Variants in CMTM8 observed in about 807,000 individuals in gnomAD.
The protein encoded by CMTM8 is CKLF like MARVEL transmembrane domain containing 8, also known as CKLF-like MARVEL transmembrane domain-containing protein 8.
A neutral mutation model predicts 18.6 loss-of-function variants in CMTM8; 12 were observed. That is an observed-to-expected ratio of 0.65 (90% CI 0.41 to 1.05). The LOEUF is 1.05. Among genes scored for constraint, CMTM8 ranks in the 50% least tolerant of loss-of-function variants. The pLI is 0.00. For synonymous variants in CMTM8, 87 were observed against 90.6 expected, an observed-to-expected ratio of 0.96 and a Z score of 0.23; for missense variants, 217 against 227.2, an observed-to-expected ratio of 0.95 and a Z score of 0.29.
At chr3:32,262,679 CAT>C (rs1183655235) in intron 1 of CMTM8, among the ~76,000 whole-genome samples, 3 of 152,208 alleles carry the variant, frequency 2.0e-5, no homozygotes, top group South Asian at 2.1e-4. Flanking sequence ...GACGATGTCA[CAT>C]GTTAGTAGAA....
Position 32,357,385 on chromosome 3 carries a change from C to G in CMTM8, c.160C>G (p.Leu54Val), listed in dbSNP as rs992982405. 4 of 1,613,670 alleles carry G rather than the reference C, an allele frequency of 2.5e-6. No individual in the cohort carries two copies. In the African/African-American group the frequency reaches 5.3e-5, roughly 22 times the overall value. ...TACCACTTTACAGGTTCTGGGGCTG[C>G]TGGTATGGACGCTTATTGCTGGAAC... ...LIVAEIVLGL[L>V]VWTLIAGTEY... is the part of the protein sequence containing the mutation. The change falls in exon 2 of 4, where the codon CTG becomes GTG. Residue 54 changes from leucine to valine, a missense_variant. By Grantham distance (32) the Leu-to-Val change is conservative. Coordinates refer to ENST00000307526, the MANE Select transcript of CMTM8 (RefSeq NM_178868.5).
At chr3:32,349,201 G>C (rs1020822378) in intron 1 of CMTM8, among the ~76,000 whole-genome samples, 4 of 152,052 alleles carry the variant, frequency 2.6e-5, no homozygotes, top group Non-Finnish European at 5.9e-5. Flanking sequence ...TTGGTTATCT[G>C]CCTATGCTTT....
chr3:32,281,634 T>A (rs1702612301), intron 1 of CMTM8, among the ~76,000 whole-genome samples: 1 of 151,968 alleles, frequency 6.6e-6, no homozygotes, highest in South Asian at 2.1e-4. Flanking sequence ...CTTGAATGAG[T>A]TGTCTTTATT....
chr3:32,259,927 C>A, intron 1 of CMTM8: 1 of 1,124,006 alleles, frequency 8.9e-7, no homozygotes, highest in Non-Finnish European at 1.3e-6. Context: ...TGGAGGCCCG[C>A]TACACCCTGC....
rs796086568 is a variant in CMTM8, at chr3:32,260,678, TTTC to T, written c.147+21560_147+21562del. ...TGTGATTTTTTTAAAGTTTTTTTTTTTTCCCCCTGTTTTCACATGTTTATATGT... is the reference window on the plus strand; with the variant it reads ...TGTGATTTTTTTAAAGTTTTTTTTTTCCCCTGTTTTCACATGTTTATATGT... On this transcript the variant is annotated intron_variant, in intron 1 of 3. Transcript: ENST00000307526. Among the ~76,000 whole-genome samples the T allele has an allele frequency of 9.3e-3, 1,310 of 141,118 alleles. 19 individuals are homozygous for T. Among genetic ancestry groups the T allele is most frequent in the African/African-American group, 0.032 (1,225 of 38,224 alleles). The allele number at this position is 141,118 out of a possible 152,430, so 92.6% of individuals were successfully genotyped here.
At chr3:32,291,233 A>G (rs893144192) in intron 1 of CMTM8, among the ~76,000 whole-genome samples, 7 of 151,754 alleles carry the variant, frequency 4.6e-5, no homozygotes, top group African/African-American at 1.7e-4. Flanking sequence ...GGTTCACGCC[A>G]TTCTCCTGCC....
chr3:32,295,192 A>G (rs1450664362), intron 1 of CMTM8, among the ~76,000 whole-genome samples: 1 of 152,060 alleles, frequency 6.6e-6, no homozygotes, highest in Non-Finnish European at 1.5e-5. Context: ...ACGGTAGCTC[A>G]TGCCTGTAAT....
chr3:32,266,431 A>G (rs986316431), intron 1 of CMTM8, among the ~76,000 whole-genome samples: 2 of 152,218 alleles, frequency 1.3e-5, no homozygotes, highest in Non-Finnish European at 2.9e-5. Flanking sequence ...CTCTCAATAA[A>G]TTAGGTATTG....
At position 32,257,119 on chromosome 3, in the gene CMTM8, A is replaced by G. The variant is rs549807173; in HGVS notation, c.147+18000A>G. 8.9e-4 allele frequency among the ~76,000 whole-genome samples: 135 copies of G among 152,270 alleles called. 1 individual carries two copies. The highest frequency in any genetic ancestry group is 3.1e-3 in the African/African-American group (130 of 41,556). On this transcript the variant is annotated intron_variant, in intron 1 of 3. Transcript: ENST00000307526. ...TCTATGTCCCAGTAGCTGGGATTAC[A>G]GGCATGGCCACTATGCCCGGCTAAT...
In CMTM8 at chr3:32,328,145, C is replaced by T. The variant is rs574683964; in HGVS notation, c.148-29228C>T. Among the ~76,000 whole-genome samples the T allele has an allele frequency of 7.2e-5, 11 of 152,206 alleles. No individual in the cohort carries two copies. In the East Asian group the frequency reaches 1.9e-3, roughly 27 times the overall value. The stretch of plus-strand genomic sequence containing the variant: ...ATCCCAGCACTTTGGGAGCCCAAGG[C>T]ACGTGGATCACTTGAGGCAGGGTTT... On this transcript the variant is annotated intron_variant, in intron 1 of 3. Transcript: ENST00000307526.
In CMTM8 at chr3:32,295,275, G is replaced by A. The variant is rs369970368; in HGVS notation, c.147+56156G>A. On this transcript the variant is annotated intron_variant, in intron 1 of 3. Coordinates refer to ENST00000307526, the MANE Select transcript of CMTM8 (RefSeq NM_178868.5). ...GTTCGAGAACAGCCTGAGCAATGTG[G>A]TGAAACCCCATCTCTGTTAAAAATA... Among the ~76,000 whole-genome samples the A allele has an allele frequency of 1.4e-4, 22 of 151,826 alleles. No homozygotes were observed. The South Asian group carries it at 3.3e-3, about 23-fold the overall frequency.
chr3:32,282,775 C>G (rs890997227), intron 1 of CMTM8, among the ~76,000 whole-genome samples: 4 of 152,158 alleles, frequency 2.6e-5, no homozygotes, highest in African/African-American at 9.7e-5. Context: ...GACCTTATAT[C>G]CTGCGCTCCA....
chr3:32,239,030 G>C lies in CMTM8; in HGVS notation c.58G>C (p.Ala20Pro), dbSNP rs1461308796. 9 of 1,577,954 alleles carry C rather than the reference G, an allele frequency of 5.7e-6. No individual in the cohort carries two copies. Among genetic ancestry groups the C allele is most frequent in the Middle Eastern group, 1.7e-4 (1 of 6,056 alleles). Residue 20 changes from alanine to proline, a missense_variant, in exon 1 of 4, where the codon GCA becomes CCA. Coordinates refer to ENST00000307526, the MANE Select transcript of CMTM8 (RefSeq NM_178868.5). ...HTVTTTASSF[A>P]ENFSTSSSSF... The stretch of plus-strand genomic sequence containing the variant: ...AGTCACCACCACCGCCAGCTCCTTC[G>C]CAGAGAACTTCTCCACCAGCAGCAG...
chr3:32,350,879 G>A (rs867136255), intron 1 of CMTM8, among the ~76,000 whole-genome samples: 1 of 151,466 alleles, frequency 6.6e-6, no homozygotes, highest in African/African-American at 2.4e-5. Context: ...GGCTGGTCTC[G>A]AACTCCTGAC....
chr3:32,299,560 C>T (rs1292867458), intron 1 of CMTM8, among the ~76,000 whole-genome samples: 2 of 152,098 alleles, frequency 1.3e-5, no homozygotes, highest in African/African-American at 2.4e-5. Flanking sequence ...GCATGCAGTG[C>T]GTAATAATCA....
chr3:32,355,928 T>C (rs1294857497), intron 1 of CMTM8, among the ~76,000 whole-genome samples: 1 of 152,238 alleles, frequency 6.6e-6, no homozygotes, highest in Non-Finnish European at 1.5e-5. Context: ...CCTGGACTTC[T>C]CCGATGCTTC....
chr3:32,240,137 A>C (rs1319194262), intron 1 of CMTM8, among the ~76,000 whole-genome samples: 3 of 152,244 alleles, frequency 2.0e-5, no homozygotes, highest in Admixed American at 1.3e-4. Context: ...GCACACCATC[A>C]TGGTGCAGAA....
intron 1 of CMTM8, chr3:32,260,358 A>C (rs1702239615): frequency 1.9e-6 from 1 of 540,154 alleles, no homozygotes; most frequent in Non-Finnish European, 3.3e-6. Context: ...TATTTTGCCT[A>C]TATTTTTCAT....
chr3:32,344,750 C>G (rs751619263), intron 1 of CMTM8, among the ~76,000 whole-genome samples: 36 of 152,230 alleles, frequency 2.4e-4, no homozygotes, highest in Non-Finnish European at 4.0e-4. Flanking sequence ...TGAAACCTAG[C>G]TGGGCATGGT....
Sources: gnomAD v4.1 joint callset for allele counts (sites outside exome capture counted in the v4.1 genomes callset) on GRCh38, gnomAD v4.1.1 for gene constraint, MANE v1.5 for transcripts, NCBI Gene and HGNC (gene_info 2026-07-23, HGNC 2026-07-21) for gene names.